Variants in NFATC1 observed in about 807,000 individuals in gnomAD.
NFATC1 encodes the protein nuclear factor of activated T-cells, cytoplasmic 1.
In NFATC1, 22 loss-of-function variants were observed where a neutral mutation model predicts 76.0. That is an observed-to-expected ratio of 0.29 (90% CI 0.21 to 0.41). NFATC1 has a LOEUF of 0.41. Among genes scored for constraint, NFATC1 ranks in the 10% least tolerant of loss-of-function variants. The pLI is 1.00. For synonymous variants in NFATC1, 704 were observed against 613.1 expected (o/e 1.15, Z -2.19); for missense variants, 1,357 against 1,337.7 (o/e 1.01, Z -0.23).
intron 9 of NFATC1, among the ~76,000 whole-genome samples, chr18:79,492,745 A>C (rs2089721010): frequency 7.2e-6 from 1 of 139,540 alleles, no homozygotes; most frequent in Non-Finnish European, 1.5e-5. Flanking sequence ...GTGGTGGTGC[A>C]TGCCTATAAT....
At chr18:79,413,202 A>C (rs2085759269) in intron 2 of NFATC1, among the ~76,000 whole-genome samples, 1 of 152,218 alleles carries the variant, frequency 6.6e-6, no homozygotes, top group Non-Finnish European at 1.5e-5. Flanking sequence ...GAGTGATGTC[A>C]TCAAGGTCCC....
intron 7 of NFATC1, among the ~76,000 whole-genome samples, chr18:79,462,056 A>G (rs1435209394): frequency 2.0e-5 from 3 of 152,196 alleles, no homozygotes; most frequent in Admixed American, 2.0e-4. Context: ...CACCTGCCAC[A>G]GCTTCCCTGG....
intron 3 of NFATC1, among the ~76,000 whole-genome samples, chr18:79,436,458 C>G (rs866293968): frequency 1.3e-5 from 2 of 151,138 alleles, no homozygotes; most frequent in South Asian, 4.2e-4. Context: ...GGCGGGGGGC[C>G]GGGGGATGTG....
chr18:79,484,274 G>T (rs193063032), intron 8 of NFATC1, among the ~76,000 whole-genome samples: 1 of 152,122 alleles, frequency 6.6e-6, no homozygotes, highest in Non-Finnish European at 1.5e-5. Context: ...TGCCTGGGCT[G>T]CAGAGCCCCA....
chr18:79,496,544 G>C (rs1157682393), intron 9 of NFATC1: 1 of 152,284 alleles, frequency 6.6e-6, no homozygotes, highest in Non-Finnish European at 1.5e-5. Context: ...GGCACGTTCA[G>C]GTGATCTTCC....
At chr18:79,462,114 T>C (rs1322431394) in intron 7 of NFATC1, among the ~76,000 whole-genome samples, 1 of 152,136 alleles carries the variant, frequency 6.6e-6, no homozygotes, top group Non-Finnish European at 1.5e-5. Flanking sequence ...CGTCCTCGGA[T>C]TGGAGATGAC....
chr18:79,410,653 G>C lies in NFATC1; in HGVS notation c.378G>C (p.Leu126Phe), dbSNP rs2085637803. 2.5e-6 allele frequency: 4 copies of C among 1,613,102 alleles called. No individual in the cohort carries two copies. Among genetic ancestry groups the C allele is most frequent in the Non-Finnish European group, 3.4e-6 (4 of 1,180,026 alleles). The change falls in exon 2 of 10, where the codon TTG (leucine) becomes TTC (phenylalanine). Residue 126 changes from leucine to phenylalanine, a missense_variant. Physicochemically the swap from Leu to Phe is conservative, Grantham distance 22. Coordinates refer to ENST00000427363, the MANE Select transcript of NFATC1 (RefSeq NM_001278669.2). The surrounding 1 kb of genome is among the most constrained non-coding windows in gnomAD (Gnocchi z 6.7). ...CTCGCATCGAGATAACCTCGTGCTT[G>C]GGCCTGTACCACAACAATAACCAGT... ...ESPRIEITSC[L>F]GLYHNNNQFF...
At chr18:79,514,867 A>G (rs1425406962) in intron 9 of NFATC1, among the ~76,000 whole-genome samples, 1 of 151,722 alleles carries the variant, frequency 6.6e-6, no homozygotes, top group Non-Finnish European at 1.5e-5. Flanking sequence ...GCAACATAGC[A>G]AGACCCTGTC....
chr18:79,402,510 C>A, intron 1 of NFATC1: 2 of 583,812 alleles, frequency 3.4e-6, no homozygotes, highest in Non-Finnish European at 4.3e-6. Context: ...CGCCCTTCCC[C>A]GGGAGCCCCG....
At chr18:79,506,374 A>C (rs1383214754) in intron 9 of NFATC1, among the ~76,000 whole-genome samples, 1 of 151,678 alleles carries the variant, frequency 6.6e-6, no homozygotes, top group Non-Finnish European at 1.5e-5. Flanking sequence ...CCATCTTCCC[A>C]CCTCCGGTGA....
Position 79,410,333 on chromosome 18 carries a change from C to CT in NFATC1, c.128-69dup. On this transcript the variant is annotated intron_variant, in intron 1 of 9. Coordinates refer to ENST00000427363, the MANE Select transcript of NFATC1 (RefSeq NM_001278669.2). This position sits in a 1 kb window ranked among gnomAD's most constrained non-coding sequence, Gnocchi z 6.7. ...CGAGGCCGGGGGTTGCTGGCCGGCCCTGAGTTCATGGGTTTCTGCTTTGTG... is the reference window on the plus strand; with the variant it reads ...CGAGGCCGGGGGTTGCTGGCCGGCCCTTGAGTTCATGGGTTTCTGCTTTGTG... The CT allele has an allele frequency of 6.5e-7, 1 of 1,533,452 alleles. No homozygotes were observed. The highest frequency in any genetic ancestry group is 8.7e-7 in the Non-Finnish European group (1 of 1,144,752). The allele number at this position is 1,533,452 out of a possible 1,614,324, so 95.0% of individuals were successfully genotyped here.
chr18:79,463,014 C>G (rs188685671), intron 7 of NFATC1, among the ~76,000 whole-genome samples: 297 of 151,878 alleles, frequency 2.0e-3, no homozygotes, highest in African/African-American at 6.8e-3. Flanking sequence ...CACCTTCACT[C>G]CCTGTCCCAA....
chr18:79,488,933 C>A (rs1233179852), intron 9 of NFATC1, among the ~76,000 whole-genome samples: 1 of 139,916 alleles, frequency 7.1e-6, no homozygotes, highest in Non-Finnish European at 1.5e-5. Context: ...GGCTTTATGG[C>A]GAGGGTAGAG....
chr18:79,426,282 CTG>C (rs1351943350), intron 2 of NFATC1, among the ~76,000 whole-genome samples: 1 of 148,586 alleles, frequency 6.7e-6, no homozygotes, highest in African/African-American at 2.6e-5. Flanking sequence ...GACGGCATCT[CTG>C]TCGCGAGCTT....
intron 2 of NFATC1, among the ~76,000 whole-genome samples, chr18:79,425,460 A>G (rs1487063460): frequency 6.6e-6 from 1 of 152,118 alleles, no homozygotes; most frequent in Non-Finnish European, 1.5e-5. Flanking sequence ...CCGAGTTCAG[A>G]GTCTGTCGCT....
At chr18:79,523,373 G>A (rs1210810286) in intron 9 of NFATC1, among the ~76,000 whole-genome samples, 2 of 152,234 alleles carry the variant, frequency 1.3e-5, no homozygotes, top group Non-Finnish European at 2.9e-5. Context: ...AACTTAAGAG[G>A]TGAACTTTGG....
At chr18:79,477,629 CG>C (rs1225302795) in intron 8 of NFATC1, among the ~76,000 whole-genome samples, 1 of 149,078 alleles carries the variant, frequency 6.7e-6, no homozygotes, top group Non-Finnish European at 1.5e-5. Context: ...GGAGCACCAC[CG>C]GCCGTACTGT....
At chr18:79,513,738 G>T (rs571677562) in intron 9 of NFATC1, among the ~76,000 whole-genome samples, 1 of 152,324 alleles carries the variant, frequency 6.6e-6, no homozygotes, top group South Asian at 2.1e-4. Flanking sequence ...ATCTGCCGGG[G>T]GTGTGTGGCC....
intron 8 of NFATC1, chr18:79,468,092 G>A (rs1310929705): frequency 1.5e-6 from 1 of 682,866 alleles, no homozygotes; most frequent in Admixed American, 6.3e-5. Flanking sequence ...TCATCTCCTG[G>A]GACCACGGGC....
Sources: gnomAD v4.1 joint callset for allele counts (sites outside exome capture counted in the v4.1 genomes callset) on GRCh38, gnomAD v4.1.1 for gene constraint, Gnocchi (gnomAD v3.1) non-coding constraint, MANE v1.5 for transcripts, NCBI Gene and HGNC (gene_info 2026-07-23, HGNC 2026-07-21) for gene names.